KIZ: variants seen among roughly 807,000 people sequenced by gnomAD.
KIZ encodes the protein kizuna centrosomal protein, also known as centrosomal protein kizuna.
KIZ carries 68 observed loss-of-function variants against 79.6 expected under a neutral mutation model. The ratio of observed to expected loss-of-function variants is 0.85; its 90% CI spans 0.70 to 1.05. The LOEUF (loss-of-function observed/expected upper bound fraction) is 1.05, where lower values mean the gene tolerates loss of function less well. Ranked by LOEUF, KIZ falls within the 50% of genes least tolerant of loss-of-function variation. The probability of loss-of-function intolerance (pLI) is 0.00; values close to 1 mark genes in which losing one functional copy is unlikely to be tolerated. For missense variants in KIZ, 797 were observed against 800.4 expected (o/e 1.00, Z 0.05); for synonymous variants, 280 against 281.8 (o/e 0.99, Z 0.06).
intron 6 of KIZ, among the ~76,000 whole-genome samples, chr20:21,191,076 T>C (rs557381070): frequency 6.6e-6 from 1 of 152,326 alleles, no homozygotes; most frequent in African/African-American, 2.4e-5. Flanking sequence ...TTGGAATGCT[T>C]GGTTGGAATG....
intron 11 of KIZ, among the ~76,000 whole-genome samples, chr20:21,241,509 T>G (rs894171602): frequency 6.6e-6 from 1 of 152,152 alleles, no homozygotes; most frequent in African/African-American, 2.4e-5. Context: ...TAATTCACAT[T>G]TCACTAGGAT....
At chr20:21,213,487 C>T (rs1188520551) in intron 7 of KIZ, 1 of 152,116 alleles carries the variant, frequency 6.6e-6, no homozygotes, top group Non-Finnish European at 1.5e-5. Flanking sequence ...GTGCATTTTC[C>T]CACAATTGGG....
At chr20:21,223,320 A>G (rs1411428963) in intron 9 of KIZ, among the ~76,000 whole-genome samples, 1 of 152,182 alleles carries the variant, frequency 6.6e-6, no homozygotes, top group Non-Finnish European at 1.5e-5. Context: ...ATTTGTTTTC[A>G]GGTTTAATTG....
intron 10 of KIZ, among the ~76,000 whole-genome samples, chr20:21,230,606 A>AT (rs2036802382): frequency 6.6e-6 from 1 of 152,206 alleles, no homozygotes; most frequent in African/African-American, 2.4e-5. Flanking sequence ...AAATTCAGTT[A>AT]TTTTGGTGGT....
At chr20:21,210,072 C>G (rs544692304) in intron 7 of KIZ, among the ~76,000 whole-genome samples, 22 of 151,864 alleles carry the variant, frequency 1.4e-4, no homozygotes, top group Middle Eastern at 3.4e-3. Context: ...ATATGAGAGG[C>G]CGAGGTTGGT....
chr20:21,213,059 A>G (rs1268961637), intron 7 of KIZ, among the ~76,000 whole-genome samples: 1 of 152,212 alleles, frequency 6.6e-6, no homozygotes, highest in Admixed American at 6.5e-5. Flanking sequence ...TCTTTGGCCA[A>G]GGGGACTAGA....
At chr20:21,165,987 A>G (rs903302487) in intron 6 of KIZ, among the ~76,000 whole-genome samples, 2 of 151,876 alleles carry the variant, frequency 1.3e-5, no homozygotes, top group Non-Finnish European at 2.9e-5. Context: ...TTGTTTTGAG[A>G]TGGAGTTTTG....
chr20:21,203,862 ATATCTT>A (rs1168750744), intron 6 of KIZ, among the ~76,000 whole-genome samples: 1 of 152,120 alleles, frequency 6.6e-6, no homozygotes, highest in Non-Finnish European at 1.5e-5. Context: ...GTAGTGTTAA[ATATCTT>A]TACTTTGTTG....
Position 21,147,879 on chromosome 20 carries a change from A to G in KIZ, c.405+2225A>G, listed in dbSNP as rs572139406. Among the ~76,000 whole-genome samples the G allele has an allele frequency of 1.2e-4, 18 of 152,082 alleles. No individual in the cohort carries two copies. In the South Asian group the frequency reaches 3.5e-3, roughly 30 times the overall value. On this transcript the variant is annotated intron_variant, in intron 4 of 12. Coordinates refer to ENST00000619189, the MANE Select transcript of KIZ (RefSeq NM_018474.6). ...TGCAGGATGCCAGTCAGTGGTAGAA[A>G]ATGAGCTTGGAAAGCTACCTTGTGG... is the stretch of plus-strand genomic sequence containing the variant.
Position 21,244,245 on chromosome 20 carries a change from G to T in KIZ, c.1881G>T (p.Arg627Ser). Residue 627 changes from arginine (R) to serine (S), a missense_variant and splice_region_variant, in exon 12 of 13, where the codon AGG becomes AGT. By Grantham distance (110) the Arg-to-Ser change is moderately radical. Coordinates refer to ENST00000619189, the MANE Select transcript of KIZ (RefSeq NM_018474.6). The stretch of plus-strand genomic sequence containing the variant: ...CTTAGACTGTTTCTTTATTTTGCAG[G>T]CATGAAAACAAAAAGAAACCCGTGA... ...FSSSEGSPLSRHENKKKPVIN... is the reference protein window; with the variant it reads ...FSSSEGSPLSSHENKKKPVIN... 6.3e-7 allele frequency: 1 copy of T among 1,586,210 alleles called. No homozygotes were observed. Among genetic ancestry groups the T allele is most frequent in the South Asian group, 1.1e-5 (1 of 90,094 alleles).
At chr20:21,244,544 G>T (rs2037326307) in intron 12 of KIZ, 1 of 507,886 alleles carries the variant, frequency 2.0e-6, no homozygotes, top group Non-Finnish European at 3.5e-6. Flanking sequence ...GGGGATCCTG[G>T]CCTCCATGTC....
intron 7 of KIZ, among the ~76,000 whole-genome samples, chr20:21,207,201 G>A (rs768593572): frequency 6.6e-6 from 1 of 152,134 alleles, no homozygotes; most frequent in Non-Finnish European, 1.5e-5. Flanking sequence ...ATGCCCAAGT[G>A]GCTGTGCCAT....
intron 6 of KIZ, chr20:21,166,638 TGGAGAGAC>T: frequency 4.3e-6 from 3 of 700,356 alleles, no homozygotes; most frequent in Non-Finnish European, 7.0e-6. Flanking sequence ...TTTTTTTTTT[TGGAGAGAC>T]TTGGTTTCTC....
intron 7 of KIZ, among the ~76,000 whole-genome samples, chr20:21,212,370 G>A: frequency 6.6e-6 from 1 of 152,168 alleles, no homozygotes; most frequent in East Asian, 1.9e-4. Context: ...TGGTGTGAAA[G>A]TGTTAGGCAT....
At position 21,126,214 on chromosome 20, in the gene KIZ, C is replaced by G; in HGVS notation, c.89+10C>G. ...ACGGGCTGCGGGACAGGTAAGGGCA[C>G]TGGGGCGGGGGTGGGGAGTCGGCCC... On this transcript the variant is annotated intron_variant, in intron 1 of 12. Transcript: ENST00000619189. 1 of 1,410,218 alleles carries G rather than the reference C, an allele frequency of 7.1e-7. No homozygotes were observed. The highest frequency in any genetic ancestry group is 9.4e-7 in the Non-Finnish European group (1 of 1,063,676). 87.4% of individuals were successfully genotyped at this position (1,410,218 alleles called of 1,614,324 possible).
At chr20:21,168,439 A>G (rs1459611425) in intron 6 of KIZ, among the ~76,000 whole-genome samples, 1 of 152,220 alleles carries the variant, frequency 6.6e-6, no homozygotes, top group Non-Finnish European at 1.5e-5. Flanking sequence ...AAGAGGATAC[A>G]AACAAATGGA....
At chr20:21,137,087 C>T (rs1253592075) in intron 3 of KIZ, among the ~76,000 whole-genome samples, 1 of 152,182 alleles carries the variant, frequency 6.6e-6, no homozygotes, top group Non-Finnish European at 1.5e-5. Flanking sequence ...TCTCTAGAAA[C>T]TGATTCTGTC....
chr20:21,246,173 C>A, intron 12 of KIZ: 2 of 323,818 alleles, frequency 6.2e-6, no homozygotes, highest in Non-Finnish European at 1.1e-5. Flanking sequence ...CCCAGGGAAC[C>A]CTGCTTCCAT....
intron 9 of KIZ, among the ~76,000 whole-genome samples, chr20:21,225,513 G>C (rs182125060): frequency 2.0e-5 from 3 of 152,142 alleles, no homozygotes; most frequent in African/African-American, 7.2e-5. Context: ...TTTACTTGCA[G>C]CTGAGAAAAC....
Sources: gnomAD v4.1 joint callset for allele counts (sites outside exome capture counted in the v4.1 genomes callset) on GRCh38, gnomAD v4.1.1 for gene constraint, MANE v1.5 for transcripts, NCBI Gene and HGNC (gene_info 2026-07-23, HGNC 2026-07-21) for gene names.